The following ARB2A variants were observed in gnomAD, a reference collection of about 807,000 sequenced individuals.
ARB2A encodes the protein cotranscriptional regulator ARB2A.
the ARB2A span, among the ~76,000 whole-genome samples, chr5:94,092,739 A>C: frequency 7.9e-5 from 12 of 152,196 alleles, no homozygotes; most frequent in African/African-American, 2.7e-4. Context: ...CCTAGAAAAC[A>C]GTAGGAACAT....
At chr5:93,915,862 G>A in the ARB2A span, among the ~76,000 whole-genome samples, 1 of 152,044 alleles carries the variant, frequency 6.6e-6, no homozygotes, top group Admixed American at 6.6e-5. Flanking sequence ...CTATATAGAA[G>A]CATTCCAGAA....
chr5:93,772,484 AAAG>A, the ARB2A span, among the ~76,000 whole-genome samples: 4 of 152,320 alleles, frequency 2.6e-5, no homozygotes, highest in Non-Finnish European at 4.4e-5. Flanking sequence ...ATTTAAAAAA[AAAG>A]AAGTTTAAGC....
the ARB2A span, among the ~76,000 whole-genome samples, chr5:93,639,874 G>A: frequency 1.3e-3 from 191 of 150,578 alleles, no homozygotes; most frequent in African/African-American, 4.4e-3. Flanking sequence ...GTGAAACCTC[G>A]TCTCTACTAA....
chr5:94,086,599 C>A, the ARB2A span, among the ~76,000 whole-genome samples: 3 of 152,216 alleles, frequency 2.0e-5, no homozygotes, highest in African/African-American at 7.2e-5. Flanking sequence ...GATGCCCAGG[C>A]TGGAGTGCAA....
the ARB2A span, among the ~76,000 whole-genome samples, chr5:93,723,597 A>G: frequency 6.6e-6 from 1 of 152,152 alleles, no homozygotes; most frequent in Admixed American, 6.6e-5. Context: ...AGAATGGTTT[A>G]AAACAAGGTA....
chr5:93,771,748 A>T, the ARB2A span, among the ~76,000 whole-genome samples: 1 of 152,254 alleles, frequency 6.6e-6, no homozygotes, highest in Non-Finnish European at 1.5e-5. Context: ...AATGAAAACC[A>T]CAATGGGATA....
the ARB2A span, among the ~76,000 whole-genome samples, chr5:94,020,179 C>T: frequency 6.6e-6 from 1 of 150,564 alleles, no homozygotes; most frequent in African/African-American, 2.5e-5. Context: ...AACCAAACAC[C>T]ACATGTTCTC....
chr5:93,713,714 C>T, the ARB2A span, among the ~76,000 whole-genome samples: 1 of 149,104 alleles, frequency 6.7e-6, no homozygotes, highest in African/African-American at 2.5e-5. Context: ...GAAAGGCAGT[C>T]AGTATATTGA....
chr5:93,951,996 T>C, the ARB2A span, among the ~76,000 whole-genome samples: 3 of 152,288 alleles, frequency 2.0e-5, no homozygotes, highest in South Asian at 2.1e-4. Context: ...ACACATGATC[T>C]GTATCACACA....
the ARB2A span, among the ~76,000 whole-genome samples, chr5:93,939,697 C>T: frequency 4.8e-3 from 732 of 152,144 alleles, 2 homozygotes; most frequent in Non-Finnish European, 7.6e-3. Context: ...ATGAGACCTT[C>T]CTACAAATAT....
the ARB2A span, among the ~76,000 whole-genome samples, chr5:93,854,038 G>T: frequency 6.6e-6 from 1 of 152,148 alleles, no homozygotes; most frequent in Non-Finnish European, 1.5e-5. Flanking sequence ...AATGGTACCA[G>T]TTCCTCCTTG....
At chr5:93,702,454 G>T in the ARB2A span, among the ~76,000 whole-genome samples, 3 of 151,976 alleles carry the variant, frequency 2.0e-5, no homozygotes, top group Non-Finnish European at 2.9e-5. Context: ...TTTATATGTC[G>T]ATTTGTCTAC....
chr5:93,734,848 T>G, the ARB2A span: 1 of 152,104 alleles, frequency 6.6e-6, no homozygotes, highest in Admixed American at 6.5e-5. Context: ...TCTCACTTTG[T>G]TGCCCAGGCT....
chr5:93,835,671 A>G, the ARB2A span, among the ~76,000 whole-genome samples: 87 of 152,252 alleles, frequency 5.7e-4, no homozygotes, highest in Non-Finnish European at 8.8e-4. Flanking sequence ...GCACATACCT[A>G]TGTCACTAAT....
At chr5:93,759,825 G>A in the ARB2A span, among the ~76,000 whole-genome samples, 64 of 152,248 alleles carry the variant, frequency 4.2e-4, no homozygotes, top group Admixed American at 1.5e-3. Flanking sequence ...CATTCCCATA[G>A]AGAACTGGAA....
At chr5:93,835,512 T>A in the ARB2A span, among the ~76,000 whole-genome samples, 1 of 152,226 alleles carries the variant, frequency 6.6e-6, no homozygotes, top group South Asian at 2.1e-4. Context: ...ACTGAAAATT[T>A]AATGGATGTA....
the ARB2A span, among the ~76,000 whole-genome samples, chr5:93,850,204 G>A: frequency 2.6e-5 from 4 of 152,124 alleles, no homozygotes; most frequent in Admixed American, 6.5e-5. Context: ...GTCCAAGAAA[G>A]TCTTTCTAGT....
At chr5:93,719,625 T>C in the ARB2A span, among the ~76,000 whole-genome samples, 1 of 152,328 alleles carries the variant, frequency 6.6e-6, no homozygotes, top group South Asian at 2.1e-4. Context: ...AAGGTGATGA[T>C]TCTCTGATTC....
At chr5:93,884,480 T>C in the ARB2A span, among the ~76,000 whole-genome samples, 1 of 151,650 alleles carries the variant, frequency 6.6e-6, no homozygotes, top group Admixed American at 6.6e-5. Context: ...ACAATGTCAA[T>C]GTTTCCCTTA....
Sources: gnomAD v4.1 joint callset for allele counts (sites outside exome capture counted in the v4.1 genomes callset) on GRCh38, gnomAD v4.1.1 for gene constraint, MANE v1.5 for transcripts, NCBI Gene and HGNC (gene_info 2026-07-23, HGNC 2026-07-21) for gene names.